Variants in PDE4B observed in about 807,000 individuals in gnomAD.
The protein encoded by PDE4B is 3',5'-cyclic-AMP phosphodiesterase 4B.
PDE4B carries 20 observed loss-of-function variants against 82.2 expected under a neutral mutation model. The observed-to-expected ratio is 0.24, with a 90% CI of 0.17 to 0.35. PDE4B has a LOEUF of 0.35. Ranked by LOEUF, PDE4B falls within the 10% of genes least tolerant of loss-of-function variation. The probability of loss-of-function intolerance (pLI) is 1.00; values close to 1 mark genes in which losing one functional copy is unlikely to be tolerated. For missense variants in PDE4B, 655 were observed against 907.2 expected (o/e 0.72, Z 3.57); for synonymous variants, 320 against 318.9 (o/e 1.00, Z -0.04).
intron 16 of PDE4B, among the ~76,000 whole-genome samples, chr1:66,370,150 C>CA (rs752920376): frequency 0.04 from 1,149 of 28,428 alleles, 95 homozygotes; most frequent in African/African-American, 0.046. Flanking sequence ...GACTCTATCT[C>CA]AAAAAAAAAA....
At chr1:66,308,523 T>A (rs1281297435) in intron 7 of PDE4B, among the ~76,000 whole-genome samples, 3 of 152,184 alleles carry the variant, frequency 2.0e-5, no homozygotes, top group Non-Finnish European at 4.4e-5. Context: ...CAAAGGTAAT[T>A]ACCATCTTGA....
At chr1:66,326,545 C>T (rs1335637874) in intron 7 of PDE4B, among the ~76,000 whole-genome samples, 1 of 152,082 alleles carries the variant, frequency 6.6e-6, no homozygotes, top group East Asian at 1.9e-4. Flanking sequence ...ATTCCTGTTG[C>T]TGCATGTGGC....
chr1:66,253,230 G>C (rs1653925754), intron 4 of PDE4B, among the ~76,000 whole-genome samples: 1 of 150,606 alleles, frequency 6.6e-6, no homozygotes, highest in South Asian at 2.1e-4. Context: ...TCCAAAATCT[G>C]TGCTGTTAAC....
chr1:66,299,216 CTG>C (rs1657719429), intron 7 of PDE4B, among the ~76,000 whole-genome samples: 1 of 152,184 alleles, frequency 6.6e-6, no homozygotes, highest in Non-Finnish European at 1.5e-5. Context: ...CCCAAACTCT[CTG>C]TCTTCCTCTT....
At chr1:66,110,502 G>A (rs1645462129) in intron 3 of PDE4B, among the ~76,000 whole-genome samples, 1 of 152,032 alleles carries the variant, frequency 6.6e-6, no homozygotes, top group South Asian at 2.1e-4. Context: ...GAAAAGCATA[G>A]AGCACAGGTC....
chr1:65,911,917 C>A lies in PDE4B; in HGVS notation c.-70-1328C>A, dbSNP rs566124887. Reference sequence around the variant, plus strand: ...TGGTTTCCTGGGTGATGGTACAATGCCACTGCTTAGTATTCCTAGTCACAT... The same window carrying A: ...TGGTTTCCTGGGTGATGGTACAATGACACTGCTTAGTATTCCTAGTCACAT... On this transcript the variant is annotated intron_variant, in intron 1 of 16. Transcript: ENST00000341517. 3.2e-4 allele frequency among the ~76,000 whole-genome samples: 49 copies of A among 152,244 alleles called. No individual in the cohort carries two copies. In the South Asian group the frequency reaches 1.0e-2, roughly 31 times the overall value.
intron 1 of PDE4B, among the ~76,000 whole-genome samples, chr1:65,828,021 A>C (rs1027372764): frequency 6.6e-6 from 1 of 152,178 alleles, no homozygotes; most frequent in Non-Finnish European, 1.5e-5. Context: ...AAAAATTGTC[A>C]AGCCAGAATT....
chr1:66,034,333 GGT>G (rs1653954610), intron 3 of PDE4B, among the ~76,000 whole-genome samples: 1 of 152,144 alleles, frequency 6.6e-6, no homozygotes, highest in South Asian at 2.1e-4. Context: ...TTACAGGAGA[GGT>G]TTTTTGCTAT....
chr1:65,830,344 C>T (rs1285967007), intron 1 of PDE4B, among the ~76,000 whole-genome samples: 2 of 152,124 alleles, frequency 1.3e-5, no homozygotes, highest in Non-Finnish European at 2.9e-5. Context: ...GCTTAACTCT[C>T]TCTGCCTTGA....
At chr1:66,187,725 T>G (rs1265576589) in intron 3 of PDE4B, among the ~76,000 whole-genome samples, 5 of 152,048 alleles carry the variant, frequency 3.3e-5, no homozygotes, top group Admixed American at 3.3e-4. Flanking sequence ...CTTCTCTCTT[T>G]TCTTCTTTAT....
chr1:66,225,106 T>A (rs1438937291), intron 3 of PDE4B, among the ~76,000 whole-genome samples: 1 of 152,176 alleles, frequency 6.6e-6, no homozygotes, highest in Non-Finnish European at 1.5e-5. Context: ...TCCCTCACCT[T>A]GATCATCAAT....
At chr1:66,332,352 G>A (rs1017331080) in intron 7 of PDE4B, 156 bp from the exon 8 acceptor site, 98 of 1,609,322 alleles carry the variant, frequency 6.1e-5, no homozygotes, top group Non-Finnish European at 8.1e-5. Flanking sequence ...TGTTCTCCTG[G>A]TGGAGAGAGC....
intron 3 of PDE4B, among the ~76,000 whole-genome samples, chr1:66,167,263 G>T (rs1343925197): frequency 6.6e-6 from 1 of 152,080 alleles, no homozygotes; most frequent in Non-Finnish European, 1.5e-5. Flanking sequence ...ATTCATAAAA[G>T]TATTATTCAT....
intron 1 of PDE4B, among the ~76,000 whole-genome samples, chr1:65,888,608 A>G (rs1571074139): frequency 1.3e-5 from 2 of 152,178 alleles, no homozygotes; most frequent in Non-Finnish European, 2.9e-5. Flanking sequence ...TGTTTGTGTT[A>G]TCCTCAATTT....
At chr1:66,288,179 C>T (rs189187741) in intron 7 of PDE4B, among the ~76,000 whole-genome samples, 1 of 152,082 alleles carries the variant, frequency 6.6e-6, no homozygotes, top group African/African-American at 2.4e-5. Flanking sequence ...GAAGGGGAAG[C>T]AGGCATGACA....
At chr1:66,332,368 G>T in intron 7 of PDE4B, 140 bp from the exon 8 acceptor site, 1 of 1,612,160 alleles carries the variant, frequency 6.2e-7, no homozygotes, top group South Asian at 1.1e-5. Context: ...AGAGCTGGAA[G>T]GAAGGAGCCA....
intron 3 of PDE4B, among the ~76,000 whole-genome samples, chr1:65,927,882 G>A (rs1647596166): frequency 6.6e-6 from 1 of 152,050 alleles, no homozygotes; most frequent in African/African-American, 2.4e-5. Flanking sequence ...TATGCACTGG[G>A]GAAATGACCA....
At chr1:65,797,880 C>A (rs1225868486) in intron 1 of PDE4B, among the ~76,000 whole-genome samples, 1 of 152,184 alleles carries the variant, frequency 6.6e-6, no homozygotes, top group African/African-American at 2.4e-5. Flanking sequence ...ACATCCACTG[C>A]TCTATTGCTC....
At chr1:66,017,520 C>G (rs1024774240) in intron 3 of PDE4B, among the ~76,000 whole-genome samples, 1 of 152,138 alleles carries the variant, frequency 6.6e-6, no homozygotes, top group Non-Finnish European at 1.5e-5. Flanking sequence ...GGTTTTGAGT[C>G]AAAATTGCAT....
Sources: gnomAD v4.1 joint callset for allele counts (sites outside exome capture counted in the v4.1 genomes callset) on GRCh38, gnomAD v4.1.1 for gene constraint, MANE v1.5 for transcripts, NCBI Gene and HGNC (gene_info 2026-07-23, HGNC 2026-07-21) for gene names.